The following TRPM8 variants were observed in gnomAD, a reference collection of about 807,000 sequenced individuals.
The protein encoded by TRPM8 is TRPM8 cationic channel.
A neutral mutation model predicts 133.7 loss-of-function variants in TRPM8; 110 were observed. The observed-to-expected ratio is 0.82, with a 90% CI of 0.70 to 0.96. TRPM8 has a LOEUF of 0.96. TRPM8 is among the 40% of genes least tolerant of loss of function. The pLI is 0.00. For synonymous variants in TRPM8, 535 were observed against 532.3 expected, an observed-to-expected ratio of 1.01 and a Z score of -0.07; for missense variants, 1,291 against 1,379.5, an observed-to-expected ratio of 0.94 and a Z score of 1.02.
intron 13 of TRPM8, among the ~76,000 whole-genome samples, chr2:233,963,609 G>A (rs368732374): frequency 2.6e-5 from 4 of 152,156 alleles, no homozygotes; most frequent in African/African-American, 7.2e-5. Flanking sequence ...CTTCTCAGGT[G>A]TGTGTGGGTG....
intron 20 of TRPM8, among the ~76,000 whole-genome samples, chr2:233,983,936 C>G (rs980069751): frequency 3.3e-5 from 5 of 152,160 alleles, no homozygotes; most frequent in African/African-American, 1.2e-4. Flanking sequence ...TCTCTGGCCC[C>G]ATCTGCTAAA....
rs1692707603 is a variant in TRPM8 at position 234,006,895 on chromosome 2, T to C, written c.3173T>C (p.Val1058Ala). The C allele has an allele frequency of 1.2e-6, 2 of 1,613,812 alleles. No homozygotes were observed. Among genetic ancestry groups the C allele is most frequent in the African/African-American group, 1.3e-5 (1 of 74,874 alleles). The change falls in exon 23 of 26, where the codon GTC (valine) becomes GCC (alanine). Residue 1058 changes from valine (V) to alanine (A), a missense_variant. Val to Ala is a moderately conservative substitution (Grantham distance 64). Transcript: ENST00000324695. ...AATGAGACTCTGGCATGGGAGGGTGTCATGAAGGAAAACTACCTTGTCAAG... is the reference window on the plus strand; with the variant it reads ...AATGAGACTCTGGCATGGGAGGGTGCCATGAAGGAAAACTACCTTGTCAAG... Reference protein sequence around the residue: ...EDNETLAWEGVMKENYLVKIN... With the variant: ...EDNETLAWEGAMKENYLVKIN...
chr2:233,992,535 T>C (rs1210043044), intron 21 of TRPM8, among the ~76,000 whole-genome samples: 1 of 152,228 alleles, frequency 6.6e-6, no homozygotes, highest in Admixed American at 6.5e-5. Context: ...ATTTCCACTC[T>C]CAGTGAGTTT....
At chr2:233,937,329 T>G in intron 3 of TRPM8, 24 bp from the exon 4 acceptor site, 1 of 1,612,524 alleles carries the variant, frequency 6.2e-7, no homozygotes, top group Non-Finnish European at 8.5e-7. Context: ...CCTTCCTTCC[T>G]GTCCACACCA....
rs1345234579 is a variant in TRPM8 at position 233,989,906 on chromosome 2, G to C, written c.2939+4041G>C. The stretch of plus-strand genomic sequence containing the variant: ...AGGGCATTTATAAGCATTGTGCCCT[G>C]AAGATAAGTTCACCCCAGGCAGTTC... On this transcript the variant is annotated intron_variant, in intron 21 of 25. Transcript: ENST00000324695. The surrounding 1 kb of genome is among the most constrained non-coding windows in gnomAD (Gnocchi z 4.2). Among the ~76,000 whole-genome samples the C allele has an allele frequency of 2.0e-5, 3 of 152,224 alleles. No homozygotes were observed. The highest frequency in any genetic ancestry group is 4.4e-5 in the Non-Finnish European group (3 of 68,038).
At chr2:233,991,308 A>G (rs1273548223) in intron 21 of TRPM8, among the ~76,000 whole-genome samples, 3 of 152,238 alleles carry the variant, frequency 2.0e-5, no homozygotes, top group Non-Finnish European at 4.4e-5. Flanking sequence ...TGAATTATCA[A>G]TTCCAAAATC....
At chr2:233,975,232 A>G (rs1691838761) in intron 17 of TRPM8, among the ~76,000 whole-genome samples, 1 of 152,182 alleles carries the variant, frequency 6.6e-6, no homozygotes, top group Non-Finnish European at 1.5e-5. Flanking sequence ...TCTGACAAGC[A>G]TGTGTGTTTT....
chr2:233,975,545 T>C (rs1691848384), intron 17 of TRPM8, among the ~76,000 whole-genome samples: 1 of 152,246 alleles, frequency 6.6e-6, no homozygotes, highest in South Asian at 2.1e-4. Context: ...GCTTGGAAGC[T>C]GCTGTGCAAG....
At position 234,006,660 on chromosome 2, in the gene TRPM8, T is replaced by C. The variant is rs112087651; in HGVS notation, c.3131-193T>C. Among the ~76,000 whole-genome samples the C allele has an allele frequency of 3.9e-3, 589 of 152,328 alleles. 3 individuals carry two copies. The highest frequency in any genetic ancestry group is 0.013 in the African/African-American group (549 of 41,570). Reference sequence around the variant, plus strand: ...TCACACAGGCAGCTCCAATTCTTCATTGTTAGGAGAAAGCCATTACTATTC... The same window carrying C: ...TCACACAGGCAGCTCCAATTCTTCACTGTTAGGAGAAAGCCATTACTATTC... On this transcript the variant is annotated intron_variant, in intron 22 of 25. Coordinates refer to ENST00000324695, the MANE Select transcript of TRPM8 (RefSeq NM_024080.5).
intron 22 of TRPM8, among the ~76,000 whole-genome samples, chr2:234,001,681 G>C (rs966730988): frequency 5.9e-5 from 9 of 152,210 alleles, no homozygotes; most frequent in African/African-American, 2.2e-4. Context: ...AAAATAAATA[G>C]TGTAAAAGCA....
At chr2:234,010,556 T>C (rs17865677) in intron 24 of TRPM8, among the ~76,000 whole-genome samples, 17,745 of 152,222 alleles carry the variant, frequency 0.12, 1,847 homozygotes, top group African/African-American at 0.28. Flanking sequence ...GAGGAACTTC[T>C]ATACTGTTTT....
intron 6 of TRPM8, among the ~76,000 whole-genome samples, chr2:233,944,393 C>T (rs1264075440): frequency 1.3e-5 from 2 of 152,162 alleles, no homozygotes; most frequent in African/African-American, 2.4e-5. Flanking sequence ...TATGTTAATT[C>T]ACAGACTCAC....
chr2:233,946,995 T>C, intron 7 of TRPM8, 93 bp from the exon 8 acceptor site: 1 of 1,123,644 alleles, frequency 8.9e-7, no homozygotes, highest in Non-Finnish European at 1.3e-6. Context: ...CACCCTAGGC[T>C]CACAGGGCAG....
intron 21 of TRPM8, among the ~76,000 whole-genome samples, chr2:233,991,749 T>G (rs1692283760): frequency 6.6e-6 from 1 of 152,210 alleles, no homozygotes; most frequent in African/African-American, 2.4e-5. Flanking sequence ...ACTGAAGTAT[T>G]TTTTTCTTTT....
intron 22 of TRPM8, among the ~76,000 whole-genome samples, chr2:233,997,614 G>C (rs2125356224): frequency 6.6e-6 from 1 of 152,186 alleles, no homozygotes; most frequent in East Asian, 1.9e-4. Flanking sequence ...AGAGTCCCTG[G>C]CTGTCACCTC....
intron 17 of TRPM8, among the ~76,000 whole-genome samples, chr2:233,978,683 G>T (rs911304282): frequency 2.1e-4 from 32 of 152,022 alleles, no homozygotes; most frequent in South Asian, 4.2e-4. Flanking sequence ...CTTTTTCCTA[G>T]ATTATGCTTT....
chr2:233,955,960 T>C (rs1415332346), intron 11 of TRPM8, among the ~76,000 whole-genome samples: 1 of 152,190 alleles, frequency 6.6e-6, no homozygotes, highest in Admixed American at 6.5e-5. Flanking sequence ...ATCTAGGTTG[T>C]GTGCTCCTTA....
intron 3 of TRPM8, among the ~76,000 whole-genome samples, chr2:233,932,052 T>A (rs941124305): frequency 1.3e-5 from 2 of 152,236 alleles, no homozygotes; most frequent in Admixed American, 6.5e-5. Flanking sequence ...TTTCTAAGAA[T>A]GGCGTTGCTT....
chr2:233,923,650 T>A (rs906842707), intron 1 of TRPM8, among the ~76,000 whole-genome samples: 1 of 152,188 alleles, frequency 6.6e-6, no homozygotes, highest in Non-Finnish European at 1.5e-5. Context: ...TTGATTAGGG[T>A]GCCAGCTTCA....
Sources: allele counts gnomAD v4.1 joint callset (sites outside exome capture counted in the v4.1 genomes callset), GRCh38; gene constraint gnomAD v4.1.1; non-coding constraint Gnocchi (gnomAD v3.1); transcripts MANE v1.5; gene names NCBI Gene and HGNC (gene_info 2026-07-23, HGNC 2026-07-21).